Variants in HOXA11 observed in about 807,000 individuals in gnomAD.
HOXA11 encodes the protein homeobox protein Hox-A11.
In HOXA11, 8 loss-of-function variants were observed where a neutral mutation model predicts 22.5. The observed-to-expected ratio is 0.36, with a 90% CI of 0.21 to 0.64. The LOEUF (loss-of-function observed/expected upper bound fraction) is 0.64. Among genes scored for constraint, HOXA11 ranks in the 30% least tolerant of loss-of-function variants. The pLI is 0.67. For synonymous variants in HOXA11, 211 were observed against 188.4 expected (o/e 1.12, Z -0.98); for missense variants, 388 against 429.0 (o/e 0.90, Z 0.84).
chr7:27,181,491 A>G lies in HOXA11; in HGVS notation c.*1305T>C, dbSNP rs184159521. Reference sequence around the variant, plus strand: ...TCAACTAATGGCAAAAGAAAAAAGAAAAAGAGAAAGAAAGAAAAGAAAATT... The same window carrying G: ...TCAACTAATGGCAAAAGAAAAAAGAGAAAGAGAAAGAAAGAAAAGAAAATT... On this transcript the variant is annotated 3_prime_UTR_variant, in exon 2 of 2. Transcript: ENST00000006015. 567 of 196,468 alleles carry G rather than the reference A, an allele frequency of 2.9e-3. 1 individual carries two copies. Among genetic ancestry groups the G allele is most frequent in the Non-Finnish European group, 4.5e-3 (424 of 94,250 alleles). The allele number at this position is 196,468 out of a possible 1,614,324, so 12.2% of individuals were successfully genotyped here.
chr7:27,184,385 A>G (rs1316746410), intron 1 of HOXA11, 51 bp downstream of exon 1: 1 of 1,544,726 alleles, frequency 6.5e-7, no homozygotes, highest in African/African-American at 1.4e-5. Context: ...GTGCTGCGCT[A>G]GATTTCCAAC....
Position 27,181,445 on chromosome 7 carries a change from C to G in HOXA11, c.*1351G>C, listed in dbSNP as rs1481151799. On this transcript the variant is annotated 3_prime_UTR_variant, in exon 2 of 2. Coordinates refer to ENST00000006015, the MANE Select transcript of HOXA11 (RefSeq NM_005523.6). The stretch of plus-strand genomic sequence containing the variant: ...ACCATTCTCAATACCTTTTCCACCC[C>G]CTCCAACACCCTAAAGGAAATCAAC... The G allele has an allele frequency of 2.0e-5, 3 of 148,914 alleles. No individual in the cohort carries two copies. Among genetic ancestry groups the G allele is most frequent in the Admixed American group, 8.7e-5 (1 of 11,470 alleles). 9.2% of individuals were successfully genotyped at this position (148,914 alleles called of 1,614,324 possible).
In HOXA11 at chr7:27,185,151, G is replaced by T; in HGVS notation, c.-7C>A. On this transcript the variant is annotated 5_prime_UTR_variant, in exon 1 of 2. Transcript: ENST00000006015. ...CACGCTCATCAAAATCCATTATTGG[G>T]CTACCTTGGGCTCTCCGCAGTAGCC... 1 of 1,613,698 alleles carries T rather than the reference G, an allele frequency of 6.2e-7. No homozygotes were observed. The highest frequency in any genetic ancestry group is 8.5e-7 in the Non-Finnish European group (1 of 1,180,006).
intron 1 of HOXA11, among the ~76,000 whole-genome samples, chr7:27,183,627 C>A (rs1444056225): frequency 6.6e-6 from 1 of 152,114 alleles, no homozygotes; most frequent in Non-Finnish European, 1.5e-5. Context: ...CCTAGGCCTT[C>A]GCTGAGCACC....
At chr7:27,183,747 TAAAAAA>T (rs61633228) in intron 1 of HOXA11, among the ~76,000 whole-genome samples, 9 of 53,610 alleles carry the variant, frequency 1.7e-4, no homozygotes, top group South Asian at 1.8e-3. Context: ...GCTCCCCCTT[TAAAAAA>T]AAAAAAAAAA....
At chr7:27,183,159 G>T (rs1783796725) in intron 1 of HOXA11, 131 bp from the exon 2 acceptor site, 1 of 656,744 alleles carries the variant, frequency 1.5e-6, no homozygotes. Flanking sequence ...GTCTGCCCAG[G>T]CCCCTGCCTT....
chr7:27,183,046 G>A lies in HOXA11; in HGVS notation c.710-18C>T. 2.5e-6 allele frequency: 4 copies of A among 1,570,802 alleles called. No homozygotes were observed. Among genetic ancestry groups the A allele is most frequent in the Non-Finnish European group, 3.5e-6 (4 of 1,142,146 alleles). On this transcript the variant is annotated intron_variant, in intron 1 of 1. Coordinates refer to ENST00000006015, the MANE Select transcript of HOXA11 (RefSeq NM_005523.6). ...TTGGCCACCTGTGGAGGGAGAAAAG[G>A]CATGGGGTGAGCCAGGTGTGGGGGC...
chr7:27,184,602 C>G lies in HOXA11; in HGVS notation c.543G>C (p.Ala181=). 7.0e-7 allele frequency: 1 copy of G among 1,435,908 alleles called. No individual in the cohort carries two copies. The highest frequency in any genetic ancestry group is 9.3e-7 in the Non-Finnish European group (1 of 1,078,008). The allele number at this position is 1,435,908 out of a possible 1,614,324, so 88.9% of individuals were successfully genotyped here. The change falls in exon 1 of 2, where the codon GCG becomes GCC. Residue 181 remains alanine, a synonymous_variant. Transcript: ENST00000006015. ...AATATSAAAA[A]AATGAPATSS... The stretch of plus-strand genomic sequence containing the variant: ...AAGTTGCCGGCGCGCCCGTTGCAGC[C>G]GCCGCCGCCGCCGCGGAGGTCGCCG...
chr7:27,183,440 G>T (rs1445458393), intron 1 of HOXA11, among the ~76,000 whole-genome samples: 1 of 152,240 alleles, frequency 6.6e-6, no homozygotes, highest in African/African-American at 2.4e-5. Flanking sequence ...CCTTCCCAAG[G>T]CAGTAAAGGC....
At chr7:27,183,852 G>A (rs1484890257) in intron 1 of HOXA11, among the ~76,000 whole-genome samples, 2 of 151,778 alleles carry the variant, frequency 1.3e-5, no homozygotes, top group Admixed American at 6.6e-5. Context: ...GCAGAAGGAG[G>A]CACGTAATTG....
Position 27,184,894 on chromosome 7 carries a change from G to A in HOXA11, c.251C>T (p.Ser84Phe), listed in dbSNP as rs753788078. 3.1e-6 allele frequency: 5 copies of A among 1,614,124 alleles called. No individual in the cohort carries two copies. Among genetic ancestry groups the A allele is most frequent in the South Asian group, 2.2e-5 (2 of 91,088 alleles). ...HPRGNLAHCY[S>F]AEELVHRDCL... Reference sequence around the variant, plus strand: ...GTCTCTGTGCACGAGCTCCTCCGCGGAGTAGCAGTGGGCCAGATTGCCGCG... The same window carrying A: ...GTCTCTGTGCACGAGCTCCTCCGCGAAGTAGCAGTGGGCCAGATTGCCGCG... The change falls in exon 1 of 2, where the codon TCC becomes TTC. Residue 84 changes from serine to phenylalanine, a missense_variant. By Grantham distance (155) the Ser-to-Phe change is radical. Transcript: ENST00000006015.
Position 27,184,961 on chromosome 7 carries a change from A to G in HOXA11, c.184T>C (p.Phe62Leu), listed in dbSNP as rs761010979. 8 of 1,613,806 alleles carry G rather than the reference A, an allele frequency of 5.0e-6. No individual in the cohort carries two copies. The African/African-American group carries it at 9.3e-5, about 19-fold the overall frequency. The stretch of plus-strand genomic sequence containing the variant: ...GCGGGCTCAATGGCGTACTCTCTGA[A>G]GGTCACTTCGCGCACGGGTTGGACC... ...PQVQPVREVT[F>L]REYAIEPATK... The change falls in exon 1 of 2, where the codon TTC becomes CTC. Residue 62 changes from phenylalanine (F) to leucine (L), a missense_variant. Physicochemically the swap from Phe to Leu is conservative, Grantham distance 22. This residue lies in a region of HOXA11 where 295 missense variants were observed against 281.1 expected (regional missense o/e 1.05). Coordinates refer to ENST00000006015, the MANE Select transcript of HOXA11 (RefSeq NM_005523.6).
intron 1 of HOXA11, among the ~76,000 whole-genome samples, chr7:27,184,125 T>A (rs1006516372): frequency 3.3e-5 from 5 of 152,048 alleles, no homozygotes; most frequent in East Asian, 1.9e-4. Context: ...GGCGCCCACC[T>A]CCGGCTCCCC....
rs958514475 is a variant in HOXA11, at chr7:27,181,249, G to A, written c.*1547C>T. On this transcript the variant is annotated 3_prime_UTR_variant, in exon 2 of 2. Transcript: ENST00000006015. ...GGGTAAGAACCAGAATTGAGGACAGGCCAACACTCCCAGTACAAATGGAGC... is the reference window on the plus strand; with the variant it reads ...GGGTAAGAACCAGAATTGAGGACAGACCAACACTCCCAGTACAAATGGAGC... 6.6e-6 allele frequency among the ~76,000 whole-genome samples: 1 copy of A among 152,158 alleles called. No homozygotes were observed. The highest frequency in any genetic ancestry group is 1.5e-5 in the Non-Finnish European group (1 of 68,040).
intron 1 of HOXA11, among the ~76,000 whole-genome samples, chr7:27,183,526 T>G (rs1783801966): frequency 6.6e-6 from 1 of 152,164 alleles, no homozygotes; most frequent in Non-Finnish European, 1.5e-5. Context: ...GCCGGGTCTT[T>G]GTCAGCCTGA....
At position 27,184,856 on chromosome 7, in the gene HOXA11, G is replaced by A; in HGVS notation, c.289C>T (p.Pro97Ser). ...TCGCCAGGCACGCCGGCCGCGCTGG[G>A]CGCCTGCAGGCAGTCTCTGTGCACG... is the stretch of plus-strand genomic sequence containing the variant. ...ELVHRDCLQA[P>S]SAAGVPGDVL... Residue 97 changes from proline to serine, a missense_variant, in exon 1 of 2, where the codon CCC (proline) becomes TCC (serine). Physicochemically the swap from Pro to Ser is moderately conservative, Grantham distance 74. This residue lies in a region of HOXA11 where 295 missense variants were observed against 281.1 expected (regional missense o/e 1.05). Transcript: ENST00000006015. The A allele has an allele frequency of 6.2e-7, 1 of 1,612,780 alleles. No individual in the cohort carries two copies. Among genetic ancestry groups the A allele is most frequent in the South Asian group, 1.1e-5 (1 of 91,058 alleles).
In HOXA11 at chr7:27,183,308, C is replaced by A. The variant is rs987227166; in HGVS notation, c.710-280G>T. Reference sequence around the variant, plus strand: ...AAGGAGAGCTTCGCACAGCAACAGGCGAGTTTGCGCTGCCTAAGCCTCTTT... The same window carrying A: ...AAGGAGAGCTTCGCACAGCAACAGGAGAGTTTGCGCTGCCTAAGCCTCTTT... On this transcript the variant is annotated intron_variant, in intron 1 of 1. Coordinates refer to ENST00000006015, the MANE Select transcript of HOXA11 (RefSeq NM_005523.6). Among the ~76,000 whole-genome samples the A allele has an allele frequency of 7.2e-5, 11 of 152,368 alleles. No homozygotes were observed. In the East Asian group the frequency reaches 1.9e-3, roughly 27 times the overall value.
In HOXA11 at chr7:27,184,751, T is replaced by A. The variant is rs761036303; in HGVS notation, c.394A>T (p.Arg132Trp). ...VSSNFYSTVG[R>W]NGVLPQAFDQ... is the part of the protein sequence containing the mutation. ...AAAGCCTGTGGCAGGACGCCGTTCC[T>A]GCCCACGGTGCTATAGAAATTGGAC... The change falls in exon 1 of 2, where the codon AGG (arginine) becomes TGG (tryptophan). Residue 132 changes from arginine (R) to tryptophan (W), a missense_variant. By Grantham distance (101) the Arg-to-Trp change is moderately radical. Transcript: ENST00000006015. 3.7e-6 allele frequency: 6 copies of A among 1,613,848 alleles called. No individual in the cohort carries two copies. The highest frequency in any genetic ancestry group is 5.1e-6 in the Non-Finnish European group (6 of 1,179,954).
Position 27,184,859 on chromosome 7 carries a change from C to T in HOXA11, c.286G>A (p.Ala96Thr), listed in dbSNP as rs200384070. Residue 96 changes from alanine (A) to threonine (T), a missense_variant, in exon 1 of 2, where the codon GCG becomes ACG. Physicochemically the swap from Ala to Thr is moderately conservative, Grantham distance 58. This residue lies in a region of HOXA11 where 295 missense variants were observed against 281.1 expected (regional missense o/e 1.05). Transcript: ENST00000006015. Reference sequence around the variant, plus strand: ...CCAGGCACGCCGGCCGCGCTGGGCGCCTGCAGGCAGTCTCTGTGCACGAGC... The same window carrying T: ...CCAGGCACGCCGGCCGCGCTGGGCGTCTGCAGGCAGTCTCTGTGCACGAGC... ...EELVHRDCLQ[A>T]PSAAGVPGDV... 146 of 1,613,612 alleles carry T rather than the reference C, an allele frequency of 9.0e-5. No homozygotes were observed. Among genetic ancestry groups the T allele is most frequent in the Non-Finnish European group, 1.2e-4 (139 of 1,179,664 alleles).
Sources: gnomAD v4.1 joint callset for allele counts (sites outside exome capture counted in the v4.1 genomes callset) on GRCh38, gnomAD v4.1.1 for gene constraint, gnomAD v4.1.1 regional missense constraint, MANE v1.5 for transcripts, NCBI Gene and HGNC (gene_info 2026-07-23, HGNC 2026-07-21) for gene names.